The following MCCC2 variants were observed in gnomAD, a reference collection of about 807,000 sequenced individuals.
The protein encoded by MCCC2 is methylcrotonoyl-CoA carboxylase beta chain, mitochondrial.
A neutral mutation model predicts 77.2 loss-of-function variants in MCCC2; 52 were observed. The ratio of observed to expected loss-of-function variants is 0.67; its 90% CI spans 0.54 to 0.85. The LOEUF (loss-of-function observed/expected upper bound fraction) is 0.85, where lower values mean the gene tolerates loss of function less well. Among genes scored for constraint, MCCC2 ranks in the 40% least tolerant of loss-of-function variants. The probability of loss-of-function intolerance (pLI) is 0.00; values close to 1 mark genes in which losing one functional copy is unlikely to be tolerated. For missense variants in MCCC2, 682 were observed against 703.2 expected, an observed-to-expected ratio of 0.97 and a Z score of 0.34; for synonymous variants, 253 against 248.4, an observed-to-expected ratio of 1.02 and a Z score of -0.18.
intron 2 of MCCC2, among the ~76,000 whole-genome samples, chr5:71,593,280 A>G (rs1745053595): frequency 6.6e-6 from 1 of 151,890 alleles, no homozygotes. Flanking sequence ...AATAGAGACA[A>G]GGTTTCACCA....
chr5:71,604,535 C>T (rs564638639), intron 6 of MCCC2, 67 bp downstream of exon 6: 32 of 1,176,888 alleles, frequency 2.7e-5, no homozygotes, highest in Admixed American at 1.5e-4. Flanking sequence ...GAATTAGGTA[C>T]TCTGGGATGG....
intron 6 of MCCC2, among the ~76,000 whole-genome samples, chr5:71,625,668 A>C (rs142393724): frequency 0.031 from 4,674 of 152,336 alleles, 106 homozygotes; most frequent in South Asian, 0.08. Context: ...CTTCTGTAAT[A>C]TGTTGACAAA....
chr5:71,638,651 G>T (rs1385762785), intron 10 of MCCC2, among the ~76,000 whole-genome samples: 1 of 152,118 alleles, frequency 6.6e-6, no homozygotes, highest in African/African-American at 2.4e-5. Flanking sequence ...CTCCCAAGTA[G>T]CTGGGATTAC....
At chr5:71,592,788 C>T in intron 1 of MCCC2, 138 bp from the exon 2 acceptor site, 1 of 714,186 alleles carries the variant, frequency 1.4e-6, no homozygotes, top group South Asian at 1.6e-5. Context: ...GTGGCTGCCA[C>T]AGATGGGGTG....
intron 6 of MCCC2, among the ~76,000 whole-genome samples, chr5:71,611,825 G>A (rs1745958721): frequency 7.1e-6 from 1 of 140,938 alleles, no homozygotes; most frequent in Non-Finnish European, 1.5e-5. Context: ...GTCTTGCTCT[G>A]TTGCCCAGGC....
chr5:71,640,382 A>ATT (rs60843078), intron 10 of MCCC2, among the ~76,000 whole-genome samples: 11 of 109,130 alleles, frequency 1.0e-4, no homozygotes, highest in African/African-American at 3.7e-4. Flanking sequence ...CACTTTTTAC[A>ATT]TTTTTTTTTT....
intron 6 of MCCC2, among the ~76,000 whole-genome samples, chr5:71,605,988 C>T (rs71624263): frequency 3.3e-5 from 5 of 152,136 alleles, no homozygotes; most frequent in Admixed American, 6.5e-5. Flanking sequence ...CCTTGTAGTA[C>T]AGTTTGAAGT....
intron 2 of MCCC2, among the ~76,000 whole-genome samples, chr5:71,594,898 C>T (rs28458421): frequency 0.086 from 1,669 of 19,416 alleles, 45 homozygotes; most frequent in African/African-American, 0.13. Context: ...AAGTCTCTCT[C>T]TTTTTTTTTT....
At chr5:71,590,745 A>G (rs928495405) in intron 1 of MCCC2, among the ~76,000 whole-genome samples, 9 of 150,196 alleles carry the variant, frequency 6.0e-5, no homozygotes, top group Non-Finnish European at 1.2e-4. Flanking sequence ...TGAACCCGGG[A>G]GGCGGAGGTT....
intron 13 of MCCC2, among the ~76,000 whole-genome samples, chr5:71,648,655 ACAT>A (rs1747339907): frequency 6.6e-6 from 1 of 152,106 alleles, no homozygotes; most frequent in Non-Finnish European, 1.5e-5. Context: ...TGCTTCTTTG[ACAT>A]CATCTCCTTT....
intron 13 of MCCC2, among the ~76,000 whole-genome samples, chr5:71,648,713 C>T (rs756517266): frequency 2.0e-5 from 3 of 152,132 alleles, no homozygotes; most frequent in Non-Finnish European, 4.4e-5. Context: ...TAGGGTCTCG[C>T]TTTGTTGCCC....
intron 11 of MCCC2, among the ~76,000 whole-genome samples, chr5:71,641,701 G>C (rs1215052890): frequency 6.6e-6 from 1 of 152,102 alleles, no homozygotes; most frequent in Non-Finnish European, 1.5e-5. Context: ...TAATCTATTT[G>C]GGACAAATGG....
At chr5:71,650,756 C>A (rs1242317105) in intron 15 of MCCC2, among the ~76,000 whole-genome samples, 1 of 152,204 alleles carries the variant, frequency 6.6e-6, no homozygotes, top group Non-Finnish European at 1.5e-5. Context: ...TCACGCCATT[C>A]TTCTGCCTCA....
At chr5:71,629,673 G>A (rs1746646659) in intron 7 of MCCC2, among the ~76,000 whole-genome samples, 1 of 151,802 alleles carries the variant, frequency 6.6e-6, no homozygotes, top group Non-Finnish European at 1.5e-5. Context: ...AGATCAGGTA[G>A]GCCTGAAGGG....
intron 7 of MCCC2, among the ~76,000 whole-genome samples, chr5:71,628,849 A>G (rs776557641): frequency 6.6e-6 from 1 of 152,224 alleles, no homozygotes; most frequent in Non-Finnish European, 1.5e-5. Flanking sequence ...TCTAGAAAAG[A>G]TACGAAAATA....
chr5:71,637,565 C>A (rs1028967614), intron 10 of MCCC2, among the ~76,000 whole-genome samples: 2 of 152,158 alleles, frequency 1.3e-5, no homozygotes, highest in Non-Finnish European at 2.9e-5. Context: ...CTAATGACAG[C>A]CAACTAATCA....
chr5:71,619,640 C>T (rs552174702), intron 6 of MCCC2, among the ~76,000 whole-genome samples: 93 of 152,204 alleles, frequency 6.1e-4, no homozygotes, highest in African/African-American at 2.2e-3. Context: ...TTCAAGCAAT[C>T]CTCTTGCCTC....
intron 10 of MCCC2, chr5:71,636,354 T>A (rs1423270815): frequency 3.0e-5 from 5 of 164,426 alleles, no homozygotes; most frequent in Admixed American, 6.4e-5. Context: ...AGGTTTTTAG[T>A]TTAACTTTTA....
chr5:71,649,132 A>T lies in MCCC2; in HGVS notation c.1252A>T (p.Ile418Phe). 6.2e-7 allele frequency: 1 copy of T among 1,614,232 alleles called. No individual in the cohort carries two copies. The highest frequency in any genetic ancestry group is 8.5e-7 in the Non-Finnish European group (1 of 1,180,032). The change falls in exon 14 of 17, where the codon ATT becomes TTT. Residue 418 changes from isoleucine to phenylalanine, a missense_variant. Physicochemically the swap from Ile to Phe is conservative, Grantham distance 21. Coordinates refer to ENST00000340941, the MANE Select transcript of MCCC2 (RefSeq NM_022132.5). ...MVGREYEAEGIAKDGAKMVAA... is the reference protein window; with the variant it reads ...MVGREYEAEGFAKDGAKMVAA... ...TGGTAGAGAGTATGAAGCTGAAGGA[A>T]TTGCCAAGGATGGTGCCAAGATGGT...
Sources: allele counts gnomAD v4.1 joint callset (sites outside exome capture counted in the v4.1 genomes callset), GRCh38; gene constraint gnomAD v4.1.1; transcripts MANE v1.5; gene names NCBI Gene and HGNC (gene_info 2026-07-23, HGNC 2026-07-21).